The following PPP1R9A variants were observed in gnomAD, a reference collection of about 807,000 sequenced individuals.
The protein encoded by PPP1R9A is protein phosphatase 1 regulatory subunit 9A.
Under a neutral mutation model 141.9 loss-of-function variants are expected in PPP1R9A, and 59 were observed. The observed-to-expected ratio is 0.42, with a 90% CI of 0.34 to 0.52. The LOEUF is 0.52. Ranked by LOEUF, PPP1R9A falls within the 20% of genes least tolerant of loss-of-function variation. The probability of loss-of-function intolerance (pLI) is 0.10; values close to 1 mark genes in which losing one functional copy is unlikely to be tolerated. For missense variants in PPP1R9A, 1,444 were observed against 1,611.9 expected, an observed-to-expected ratio of 0.90 and a Z score of 1.78; for synonymous variants, 500 against 569.7, an observed-to-expected ratio of 0.88 and a Z score of 1.74.
intron 18 of PPP1R9A, among the ~76,000 whole-genome samples, chr7:95,288,006 A>G (rs1174166149): frequency 6.6e-6 from 1 of 152,162 alleles, no homozygotes; most frequent in East Asian, 1.9e-4. Flanking sequence ...ATTTCTTGAA[A>G]GTAATGATGG....
chr7:95,088,987 G>A (rs1816980231), intron 2 of PPP1R9A, among the ~76,000 whole-genome samples: 1 of 151,930 alleles, frequency 6.6e-6, no homozygotes, highest in South Asian at 2.1e-4. Flanking sequence ...TTACAGATGA[G>A]GAAGATGTGG....
chr7:94,917,580 T>A (rs1265212472), intron 2 of PPP1R9A, among the ~76,000 whole-genome samples: 1 of 151,442 alleles, frequency 6.6e-6, no homozygotes, highest in Non-Finnish European at 1.5e-5. Flanking sequence ...TATTATTTTT[T>A]TTTTTTTTGT....
At chr7:95,038,539 T>A (rs1022153535) in intron 2 of PPP1R9A, among the ~76,000 whole-genome samples, 7 of 152,260 alleles carry the variant, frequency 4.6e-5, no homozygotes, top group South Asian at 2.1e-4. Context: ...AGCCTTTTTT[T>A]AATAAAATGT....
At chr7:95,208,735 A>G (rs1241929153) in intron 7 of PPP1R9A, among the ~76,000 whole-genome samples, 3 of 151,876 alleles carry the variant, frequency 2.0e-5, no homozygotes, top group African/African-American at 7.3e-5. Flanking sequence ...AAAAAAAAAT[A>G]AATAAATAAA....
chr7:94,993,701 G>C (rs533101718), intron 2 of PPP1R9A, among the ~76,000 whole-genome samples: 4 of 152,200 alleles, frequency 2.6e-5, no homozygotes, highest in African/African-American at 9.6e-5. Flanking sequence ...CTAGTATCTA[G>C]AAATGCAGTG....
chr7:94,926,140 A>G (rs1419019650), intron 2 of PPP1R9A, among the ~76,000 whole-genome samples: 1 of 152,164 alleles, frequency 6.6e-6, no homozygotes, highest in African/African-American at 2.4e-5. Context: ...TTTTATATGT[A>G]TAATGCTTGT....
intron 2 of PPP1R9A, among the ~76,000 whole-genome samples, chr7:94,986,080 A>C (rs1327092597): frequency 6.6e-6 from 1 of 152,156 alleles, no homozygotes; most frequent in Non-Finnish European, 1.5e-5. Context: ...ATGGTTGGGG[A>C]AAGTTTGTAG....
intron 5 of PPP1R9A, among the ~76,000 whole-genome samples, chr7:95,184,618 C>T (rs147638171): frequency 1.2e-3 from 183 of 152,274 alleles, no homozygotes; most frequent in African/African-American, 4.2e-3. Flanking sequence ...CCTCATCCCA[C>T]TCCCACCTTT....
chr7:94,949,495 A>G (rs1238981058), intron 2 of PPP1R9A, among the ~76,000 whole-genome samples: 1 of 152,156 alleles, frequency 6.6e-6, no homozygotes, highest in African/African-American at 2.4e-5. Flanking sequence ...AATTGGATGC[A>G]AGTGTTGTGG....
intron 2 of PPP1R9A, among the ~76,000 whole-genome samples, chr7:94,972,477 C>T (rs559907370): frequency 6.6e-6 from 1 of 152,054 alleles, no homozygotes; most frequent in African/African-American, 2.4e-5. Flanking sequence ...TACCTTGGCC[C>T]TGACTCAGCT....
intron 5 of PPP1R9A, among the ~76,000 whole-genome samples, chr7:95,194,405 A>C (rs1377676991): frequency 6.6e-6 from 1 of 152,064 alleles, no homozygotes; most frequent in Non-Finnish European, 1.5e-5. Context: ...GCAGTGAACA[A>C]AGTGAGGATG....
chr7:95,011,891 A>G (rs1327531824), intron 2 of PPP1R9A, among the ~76,000 whole-genome samples: 1 of 152,216 alleles, frequency 6.6e-6, no homozygotes, highest in African/African-American at 2.4e-5. Context: ...TGTCATGGCA[A>G]ATAATATGTT....
rs1020298995 is a variant in PPP1R9A, at chr7:94,911,391, T to C, written c.1278T>C (p.Asp426=). The C allele has an allele frequency of 1.3e-5, 21 of 1,613,898 alleles. No homozygotes were observed. Among genetic ancestry groups the C allele is most frequent in the Non-Finnish European group, 1.7e-5 (20 of 1,179,968 alleles). Residue 426 remains aspartate, a synonymous_variant, in exon 2 of 20, where the codon GAT becomes GAC. Transcript: ENST00000433360. ...ETGTEQDEEE[D]SDENSYYQPD... ...GCACTGAGCAGGATGAGGAGGAAGA[T>C]AGTGATGAGAACAGTTACTATCAGC... is the stretch of plus-strand genomic sequence containing the variant.
chr7:95,184,800 T>A (rs1834379241), intron 5 of PPP1R9A, among the ~76,000 whole-genome samples: 1 of 152,220 alleles, frequency 6.6e-6, no homozygotes, highest in Admixed American at 6.6e-5. Context: ...CATTATTTTC[T>A]TCCTTTTTAT....
chr7:94,965,553 C>G (rs1190279902), intron 2 of PPP1R9A, among the ~76,000 whole-genome samples: 1 of 152,098 alleles, frequency 6.6e-6, no homozygotes, highest in Non-Finnish European at 1.5e-5. Flanking sequence ...GCCAGTTTTC[C>G]CAACACCGTT....
chr7:95,060,714 G>A (rs529290361), intron 2 of PPP1R9A, among the ~76,000 whole-genome samples: 3 of 152,194 alleles, frequency 2.0e-5, no homozygotes, highest in East Asian at 1.9e-4. Context: ...ACTTTTACTC[G>A]ACCCAAACCT....
chr7:94,931,435 A>C (rs923129654), intron 2 of PPP1R9A, among the ~76,000 whole-genome samples: 2 of 152,198 alleles, frequency 1.3e-5, no homozygotes, highest in Non-Finnish European at 2.9e-5. Flanking sequence ...TTATAAAAAT[A>C]CTACAATTAG....
In PPP1R9A at chr7:94,910,246, A is replaced by G; in HGVS notation, c.133A>G (p.Thr45Ala). ...DKPKSDGEQK[T>A]KEGEGSQQSR... ...ACCCAAGTCAGATGGGGAACAAAAA[A>G]CAAAAGAAGGTGAGGGCTCCCAGCA... The change falls in exon 2 of 20, where the codon ACA becomes GCA. Residue 45 changes from threonine to alanine, a missense_variant. Thr to Ala is a moderately conservative substitution (Grantham distance 58). This residue lies in a region of PPP1R9A where 490 missense variants were observed against 521.1 expected (regional missense o/e 0.94). Coordinates refer to ENST00000433360, the MANE Select transcript of PPP1R9A (RefSeq NM_001166160.2). The surrounding 1 kb of genome is among the most constrained non-coding windows in gnomAD (Gnocchi z 4.5). 8.1e-6 allele frequency: 13 copies of G among 1,614,142 alleles called. No individual in the cohort carries two copies. Among genetic ancestry groups the G allele is most frequent in the South Asian group, 1.1e-5 (1 of 91,076 alleles).
At chr7:95,037,986 C>T (rs944635995) in intron 2 of PPP1R9A, among the ~76,000 whole-genome samples, 3 of 150,382 alleles carry the variant, frequency 2.0e-5, no homozygotes, top group African/African-American at 7.4e-5. Flanking sequence ...GTGGCAAGTG[C>T]CTGTAATCCC....
Sources: gnomAD v4.1 joint callset for allele counts (sites outside exome capture counted in the v4.1 genomes callset) on GRCh38, gnomAD v4.1.1 for gene constraint, gnomAD v4.1.1 regional missense constraint, Gnocchi (gnomAD v3.1) non-coding constraint, MANE v1.5 for transcripts, NCBI Gene and HGNC (gene_info 2026-07-23, HGNC 2026-07-21) for gene names.